Variants in MIGA2 observed in about 807,000 individuals in gnomAD.
MIGA2 encodes mitoguardin 2, also known as family with sequence similarity 73, member B.
MIGA2 carries 36 observed loss-of-function variants against 69.9 expected under a neutral mutation model. The observed-to-expected ratio is 0.52, with a 90% CI of 0.39 to 0.68. The LOEUF (loss-of-function observed/expected upper bound fraction) is 0.68. Among genes scored for constraint, MIGA2 ranks in the 30% least tolerant of loss-of-function variants. MIGA2 has a pLI of 0.00. For missense variants in MIGA2, 660 were observed against 787.7 expected (o/e 0.84, Z 1.94); for synonymous variants, 333 against 349.2 (o/e 0.95, Z 0.52).
chr9:129,043,159 A>G (rs993145655), intron 3 of MIGA2, among the ~76,000 whole-genome samples: 2 of 151,248 alleles, frequency 1.3e-5, no homozygotes, highest in South Asian at 2.1e-4. Flanking sequence ...GCGCCACTGC[A>G]CTCCAGCCTG....
In MIGA2 at chr9:129,042,430, G is replaced by A; in HGVS notation, c.223G>A (p.Val75Ile). The A allele has an allele frequency of 6.2e-7, 1 of 1,612,942 alleles. No individual in the cohort carries two copies. Among genetic ancestry groups the A allele is most frequent in the South Asian group, 1.1e-5 (1 of 90,862 alleles). ...GAGGCGACGGAGGAGGAAGAAGCAG[G>A]TTGGTCCCGAGATGGGAGGGGAGCA... ...LKRRRRRKKQ[V>I]GPEMGGEQLG... Residue 75 changes from valine (V) to isoleucine (I), a missense_variant, in exon 3 of 16, where the codon GTT becomes ATT. Val to Ile is a conservative substitution (Grantham distance 29). Around this residue, in one of 3 missense-constraint regions of MIGA2, gnomAD observed 386 missense variants for 402.0 expected, o/e 0.96. Coordinates refer to ENST00000684074, the MANE Select transcript of MIGA2 (RefSeq NM_001329990.2).
chr9:129,068,222 A>G lies in MIGA2; in HGVS notation c.1294A>G (p.Ile432Val), dbSNP rs766827343. ...GGTGGTATGCATGAGCTTCTTCGAC[A>G]TCGTGCTGGACTTCATCCTCATGGA... ...RGVVCMSFFD[I>V]VLDFILMDAF... Residue 432 changes from isoleucine (I) to valine (V), a missense_variant, in exon 13 of 16, where the codon ATC becomes GTC. By Grantham distance (29) the Ile-to-Val change is conservative. This residue lies in a region of MIGA2 where 220 missense variants were observed against 301.7 expected (regional missense o/e 0.73). Coordinates refer to ENST00000684074, the MANE Select transcript of MIGA2 (RefSeq NM_001329990.2). The surrounding 1 kb of genome is among the most constrained non-coding windows in gnomAD (Gnocchi z 4.1). 6.2e-7 allele frequency: 1 copy of G among 1,613,762 alleles called. No homozygotes were observed. Among genetic ancestry groups the G allele is most frequent in the South Asian group, 1.1e-5 (1 of 91,078 alleles).
intron 11 of MIGA2, 22 bp downstream of exon 11, chr9:129,063,653 G>A: frequency 5.8e-6 from 8 of 1,376,960 alleles, no homozygotes; most frequent in South Asian, 1.2e-5. Flanking sequence ...TGGGGTGGGG[G>A]GGCAAATTAT....
rs963823884 is a variant in MIGA2, at chr9:129,068,561, A to G, written c.1404+229A>G. On this transcript the variant is annotated intron_variant, in intron 13 of 15. Coordinates refer to ENST00000684074, the MANE Select transcript of MIGA2 (RefSeq NM_001329990.2). The surrounding 1 kb of genome is among the most constrained non-coding windows in gnomAD (Gnocchi z 4.1). ...CCAACATGGTGTGCGCTTTCTTCCT[A>G]TTGTGTGGTTTTACTTTTGTGCTGG... 2.4e-5 allele frequency: 13 copies of G among 546,686 alleles called. No individual in the cohort carries two copies. Among genetic ancestry groups the G allele is most frequent in the African/African-American group, 2.1e-4 (11 of 52,990 alleles). 33.9% of individuals were successfully genotyped at this position (546,686 alleles called of 1,614,324 possible). A position where few individuals can be genotyped will look rare whatever the true frequency, so the allele number is the denominator to read the frequency against.
chr9:129,049,055 C>T (rs1281962953), intron 4 of MIGA2, among the ~76,000 whole-genome samples: 1 of 152,198 alleles, frequency 6.6e-6, no homozygotes, highest in Non-Finnish European at 1.5e-5. Flanking sequence ...TCTCTGTCTT[C>T]TTGTTCAAGG....
intron 6 of MIGA2, among the ~76,000 whole-genome samples, chr9:129,053,352 T>G (rs1845643199): frequency 6.6e-6 from 1 of 152,082 alleles, no homozygotes; most frequent in Non-Finnish European, 1.5e-5. Flanking sequence ...CATTTTTTTC[T>G]GTCTATTGCT....
intron 6 of MIGA2, among the ~76,000 whole-genome samples, chr9:129,057,918 T>G (rs1032748512): frequency 1.3e-5 from 2 of 152,112 alleles, no homozygotes; most frequent in Non-Finnish European, 2.9e-5. Context: ...TTTTTCTTCT[T>G]TATGATTTCT....
intron 11 of MIGA2, 32 bp downstream of exon 11, chr9:129,063,663 TA>T: frequency 6.2e-7 from 1 of 1,601,536 alleles, no homozygotes; most frequent in Non-Finnish European, 8.5e-7. Flanking sequence ...GGGCAAATTA[TA>T]AAATGCAAAC....
At chr9:129,057,086 A>C (rs1845835837) in intron 6 of MIGA2, among the ~76,000 whole-genome samples, 1 of 151,956 alleles carries the variant, frequency 6.6e-6, no homozygotes, top group Non-Finnish European at 1.5e-5. Context: ...CTGCATTTGC[A>C]AAAAACAGTA....
At chr9:129,057,716 C>T (rs1490179499) in intron 6 of MIGA2, among the ~76,000 whole-genome samples, 1 of 152,118 alleles carries the variant, frequency 6.6e-6, no homozygotes, top group African/African-American at 2.4e-5. Context: ...CATGATCCTC[C>T]TACCTCAGCC....
In MIGA2 at chr9:129,061,658, TG is replaced by T. The variant is rs1370376185; in HGVS notation, c.1010+314del. On this transcript the variant is annotated intron_variant, in intron 9 of 15. Coordinates refer to ENST00000684074, the MANE Select transcript of MIGA2 (RefSeq NM_001329990.2). This position sits in a 1 kb window ranked among gnomAD's most constrained non-coding sequence, Gnocchi z 5.0. ...ACAGCACATACACTGAAAAAAAAAT[TG>T]GAATGATACAGAGAAGATGAACGTG... 4.6e-5 allele frequency among the ~76,000 whole-genome samples: 7 copies of T among 152,096 alleles called. No individual in the cohort carries two copies. Among genetic ancestry groups the T allele is most frequent in the African/African-American group, 1.7e-4 (7 of 41,406 alleles).
rs1232078986 is a variant in MIGA2 at position 129,061,181 on chromosome 9, G to A, written c.895-50G>A. 15 of 1,517,624 alleles carry A rather than the reference G, an allele frequency of 9.9e-6. No individual in the cohort carries two copies. Among genetic ancestry groups the A allele is most frequent in the South Asian group, 4.7e-5 (4 of 85,466 alleles). 94.0% of individuals were successfully genotyped at this position (1,517,624 alleles called of 1,614,324 possible). On this transcript the variant is annotated intron_variant, in intron 8 of 15. Coordinates refer to ENST00000684074, the MANE Select transcript of MIGA2 (RefSeq NM_001329990.2). The surrounding 1 kb of genome is among the most constrained non-coding windows in gnomAD (Gnocchi z 5.0). ...TGGGCAGGTGCCCTTGCGCCGTGGCGTGCTGCTCACATGGGCTTCCCTGGT... is the reference window on the plus strand; with the variant it reads ...TGGGCAGGTGCCCTTGCGCCGTGGCATGCTGCTCACATGGGCTTCCCTGGT...
intron 11 of MIGA2, among the ~76,000 whole-genome samples, chr9:129,064,762 C>T (rs1008858364): frequency 6.6e-6 from 1 of 151,582 alleles, no homozygotes; most frequent in East Asian, 1.9e-4. Context: ...GTCTCTGCCC[C>T]AGGAACACTG....
At chr9:129,063,886 T>C (rs1564617792) in intron 11 of MIGA2, among the ~76,000 whole-genome samples, 1 of 152,210 alleles carries the variant, frequency 6.6e-6, no homozygotes, top group African/African-American at 2.4e-5. Flanking sequence ...GGAGGGGTTT[T>C]CCCCAGCTGC....
intron 6 of MIGA2, among the ~76,000 whole-genome samples, chr9:129,056,634 T>G (rs558950448): frequency 6.6e-6 from 1 of 151,706 alleles, no homozygotes; most frequent in Non-Finnish European, 1.5e-5. Context: ...TTCTCCTGCC[T>G]CAGTCTCCCA....
At chr9:129,051,790 G>T (rs912967602) in intron 6 of MIGA2, among the ~76,000 whole-genome samples, 5 of 149,586 alleles carry the variant, frequency 3.3e-5, no homozygotes, top group Admixed American at 2.7e-4. Context: ...GTAGAGACGG[G>T]GTTTCACCAT....
intron 5 of MIGA2, 44 bp from the exon 6 acceptor site, chr9:129,049,783 C>G: frequency 6.2e-7 from 1 of 1,612,132 alleles, no homozygotes; most frequent in Non-Finnish European, 8.5e-7. Flanking sequence ...TTGGGTGAGA[C>G]TGTGGAGGTG....
At chr9:129,065,750 C>T (rs1229163835) in intron 11 of MIGA2, among the ~76,000 whole-genome samples, 1 of 152,136 alleles carries the variant, frequency 6.6e-6, no homozygotes, top group Non-Finnish European at 1.5e-5. Context: ...ACCACTTTTT[C>T]CTGTGTCCTC....
chr9:129,040,534 G>A lies in MIGA2; in HGVS notation c.-61G>A. The A allele has an allele frequency of 6.4e-7, 1 of 1,558,872 alleles. No individual in the cohort carries two copies. Among genetic ancestry groups the A allele is most frequent in the Non-Finnish European group, 8.7e-7 (1 of 1,146,950 alleles). On this transcript the variant is annotated 5_prime_UTR_variant, in exon 2 of 16. It removes the in-frame stop codon of an upstream open reading frame in the 5' UTR. Coordinates refer to ENST00000684074, the MANE Select transcript of MIGA2 (RefSeq NM_001329990.2). ...CCTGGGACCCAGCTGGCAACCAGTT[G>A]AAGACGTTCTCCTTGGAAGCTCTTG...
Sources: allele counts gnomAD v4.1 joint callset (sites outside exome capture counted in the v4.1 genomes callset), GRCh38; gene constraint gnomAD v4.1.1; regional missense constraint gnomAD v4.1.1; non-coding constraint Gnocchi (gnomAD v3.1); transcripts MANE v1.5; gene names NCBI Gene and HGNC (gene_info 2026-07-23, HGNC 2026-07-21).